The following OTOGL variants were observed in gnomAD, a reference collection of about 807,000 sequenced individuals.
OTOGL encodes otogelin like, also known as otogelin-like protein.
A neutral mutation model predicts 318.5 loss-of-function variants in OTOGL; 285 were observed. That is an observed-to-expected ratio of 0.89 (90% confidence interval 0.81 to 0.99). The LOEUF (loss-of-function observed/expected upper bound fraction) is 0.99, where lower values mean the gene tolerates loss of function less well. OTOGL is among the 50% of genes least tolerant of loss of function. OTOGL has a pLI of 0.00. For missense variants in OTOGL, 2,899 were observed against 2,845.6 expected (o/e 1.02, Z -0.43); for synonymous variants, 987 against 936.5 (o/e 1.05, Z -0.99).
chr12:80,225,126 T>C (rs1878709930), intron 7 of OTOGL, among the ~76,000 whole-genome samples: 1 of 152,132 alleles, frequency 6.6e-6, no homozygotes, highest in South Asian at 2.1e-4. Flanking sequence ...GAAAGTTCAC[T>C]TATGGGGCAT....
Position 80,144,472 on chromosome 12 carries a change from T to G in OTOGL, c.-20+44867T>G, listed in dbSNP as rs879883339. Among the ~76,000 whole-genome samples, 355 of 148,704 alleles carry G rather than the reference T, an allele frequency of 2.4e-3. 1 individual carries two copies. Among genetic ancestry groups the G allele is most frequent in the Non-Finnish European group, 4.3e-3 (288 of 67,578 alleles). On this transcript the variant is annotated intron_variant, in intron 1 of 58. Transcript: ENST00000547103. ...GTCTATCATTGTTGGACATTTGGGT[T>G]GGTTCCAAGTCTTTGCTATTGTGAA...
intron 26 of OTOGL, among the ~76,000 whole-genome samples, chr12:80,284,824 A>T (rs573138997): frequency 2.0e-5 from 3 of 152,240 alleles, no homozygotes; most frequent in Admixed American, 6.5e-5. Context: ...CCCATTTGGT[A>T]GGATGCCTGT....
intron 1 of OTOGL, among the ~76,000 whole-genome samples, chr12:80,163,758 T>C (rs866184698): frequency 2.0e-5 from 3 of 152,112 alleles, no homozygotes; most frequent in African/African-American, 7.2e-5. Context: ...CAGTTGGGTA[T>C]GTTTTTATGG....
At chr12:80,360,489 C>G (rs1890177006) in intron 52 of OTOGL, among the ~76,000 whole-genome samples, 1 of 146,254 alleles carries the variant, frequency 6.8e-6, no homozygotes, top group African/African-American at 2.5e-5. Context: ...CTCTCTCCCT[C>G]TCACTCTCCT....
chr12:80,227,505 T>A (rs1156709315), intron 7 of OTOGL, among the ~76,000 whole-genome samples: 1 of 152,218 alleles, frequency 6.6e-6, no homozygotes, highest in Non-Finnish European at 1.5e-5. Context: ...AGAATAAGGC[T>A]CTAAAAGCGA....
intron 43 of OTOGL, 47 bp downstream of exon 43, chr12:80,339,311 T>TTTTG: frequency 7.0e-7 from 1 of 1,426,694 alleles, no homozygotes; most frequent in Non-Finnish European, 9.4e-7. Flanking sequence ...TTTTTTTTTT[T>TTTTG]TTTTTTTTTT....
intron 1 of OTOGL, among the ~76,000 whole-genome samples, chr12:80,115,714 G>C (rs1374390437): frequency 1.3e-5 from 2 of 152,128 alleles, no homozygotes; most frequent in African/African-American, 2.4e-5. Context: ...CCCCTGACTG[G>C]GGCTGCTGCC....
At chr12:80,369,351 A>G (rs1208170531) in intron 55 of OTOGL, among the ~76,000 whole-genome samples, 2 of 152,058 alleles carry the variant, frequency 1.3e-5, no homozygotes, top group Admixed American at 6.6e-5. Context: ...CTTTAAGATT[A>G]TATCTATAGA....
chr12:80,321,581 A>G (rs974036344), intron 34 of OTOGL, among the ~76,000 whole-genome samples: 1 of 151,562 alleles, frequency 6.6e-6, no homozygotes, highest in African/African-American at 2.4e-5. Context: ...ATAATAAAAA[A>G]TAAAAAAATA....
chr12:80,235,811 T>C (rs1879795929), intron 9 of OTOGL, among the ~76,000 whole-genome samples: 1 of 152,186 alleles, frequency 6.6e-6, no homozygotes. Flanking sequence ...TTTCAGCTTC[T>C]TCACAATGTT....
rs140848567 is a variant in OTOGL, at chr12:80,207,541, A to T, written c.-19-1872A>T. 2.0e-4 allele frequency among the ~76,000 whole-genome samples: 30 copies of T among 152,286 alleles called. No homozygotes were observed. The East Asian group carries it at 4.6e-3, about 24-fold the overall frequency. The stretch of plus-strand genomic sequence containing the variant: ...AAATTTTTAAGTCAAGCAAAAAGTC[A>T]AACAGTTACTAGATTAGGAAAAATA... On this transcript the variant is annotated intron_variant, in intron 1 of 58. Transcript: ENST00000547103.
At position 80,196,435 on chromosome 12, in the gene OTOGL, T is replaced by C. The variant is rs150420641; in HGVS notation, c.-19-12978T>C. On this transcript the variant is annotated intron_variant, in intron 1 of 58. Coordinates refer to ENST00000547103, the MANE Select transcript of OTOGL (RefSeq NM_001378609.3). ...CAATGAACAATTAGGTTTTTATTTT[T>C]ATTTTTCTGTAGTTGACCTTATGAC... 8.5e-5 allele frequency among the ~76,000 whole-genome samples: 13 copies of C among 152,374 alleles called. No homozygotes were observed. The East Asian group carries it at 2.5e-3, about 29-fold the overall frequency.
intron 1 of OTOGL, among the ~76,000 whole-genome samples, chr12:80,180,575 C>A (rs556835620): frequency 6.6e-6 from 1 of 152,084 alleles, no homozygotes; most frequent in African/African-American, 2.4e-5. Flanking sequence ...GTTGTGGAAG[C>A]CCCATTTAAG....
chr12:80,156,202 G>C (rs1208722153), intron 1 of OTOGL, among the ~76,000 whole-genome samples: 2 of 152,212 alleles, frequency 1.3e-5, no homozygotes, highest in Non-Finnish European at 2.9e-5. Context: ...AATGGAAGCA[G>C]GCAGAAGAAC....
chr12:80,376,297 T>G (rs777412922), intron 57 of OTOGL, among the ~76,000 whole-genome samples: 3 of 152,308 alleles, frequency 2.0e-5, no homozygotes, highest in East Asian at 1.9e-4. Context: ...CATGGCTAAA[T>G]GTATTTTAAA....
rs2084306094 is a variant in OTOGL at position 80,265,095 on chromosome 12, C to T, written c.2109C>T (p.Arg703=). 1 of 1,613,796 alleles carries T rather than the reference C, an allele frequency of 6.2e-7. No individual in the cohort carries two copies. The highest frequency in any genetic ancestry group is 8.5e-7 in the Non-Finnish European group (1 of 1,179,880). Residue 703 remains arginine, a synonymous_variant, in exon 20 of 59, where the codon CGC becomes CGT. Transcript: ENST00000547103. ...CTGGGCTGTACTATCAGCTATGCCG[C>T]CACGATGCATGCAAGTGTGGAAGCT... ...ISPGLYYQLC[R]HDACKCGSSC...
At chr12:80,329,612 A>G (rs767995729) in intron 37 of OTOGL, among the ~76,000 whole-genome samples, 11 of 152,140 alleles carry the variant, frequency 7.2e-5, no homozygotes, top group Non-Finnish European at 1.2e-4. Context: ...CTGGCTCTGG[A>G]GGAGGCATTC....
chr12:80,268,193 C>T (rs970866353), intron 22 of OTOGL, among the ~76,000 whole-genome samples: 4 of 152,108 alleles, frequency 2.6e-5, no homozygotes, highest in Non-Finnish European at 5.9e-5. Context: ...TAGGTACCAA[C>T]AGATAATAAT....
intron 26 of OTOGL, among the ~76,000 whole-genome samples, chr12:80,281,215 G>A (rs1884212233): frequency 6.6e-6 from 1 of 151,786 alleles, no homozygotes; most frequent in East Asian, 1.9e-4. Context: ...GCTTTGGCTA[G>A]GACTTCCAGT....
Sources: allele counts gnomAD v4.1 joint callset (sites outside exome capture counted in the v4.1 genomes callset), GRCh38; gene constraint gnomAD v4.1.1; transcripts MANE v1.5; gene names NCBI Gene and HGNC (gene_info 2026-07-23, HGNC 2026-07-21).